Variants in COBL observed in about 807,000 individuals in gnomAD.
COBL encodes cordon-bleu WH2 repeat protein.
Under a neutral mutation model 98.8 loss-of-function variants are expected in COBL, and 51 were observed. The ratio of observed to expected loss-of-function variants is 0.52; its 90% CI spans 0.41 to 0.65. COBL has a LOEUF of 0.65. COBL is among the 30% of genes least tolerant of loss of function. COBL has a pLI of 0.00. For synonymous variants in COBL, 634 were observed against 651.7 expected (o/e 0.97, Z 0.41); for missense variants, 1,617 against 1,617.5 (o/e 1.00, Z 0.01).
chr7:51,057,590 G>A (rs1790892629), intron 7 of COBL, among the ~76,000 whole-genome samples: 2 of 152,006 alleles, frequency 1.3e-5, no homozygotes, highest in South Asian at 4.1e-4. Context: ...CATCATTTTG[G>A]GAAACTAGTA....
intron 1 of COBL, among the ~76,000 whole-genome samples, chr7:51,242,744 T>C (rs1271454491): frequency 1.3e-5 from 2 of 152,184 alleles, no homozygotes; most frequent in African/African-American, 2.4e-5. Flanking sequence ...GTTCTGAGAA[T>C]TGGGCCCTGG....
chr7:51,276,901 G>T (rs185068542), intron 1 of COBL, among the ~76,000 whole-genome samples: 6 of 152,322 alleles, frequency 3.9e-5, no homozygotes, highest in Admixed American at 3.9e-4. Context: ...GTCAGCTGAG[G>T]CTCATAAGAT....
chr7:51,162,595 A>G (rs1786924042), intron 5 of COBL, among the ~76,000 whole-genome samples: 1 of 152,206 alleles, frequency 6.6e-6, no homozygotes, highest in South Asian at 2.1e-4. Context: ...ATAATACATA[A>G]TAGTATCTGC....
At chr7:51,074,228 G>A (rs1792842395) in intron 7 of COBL, among the ~76,000 whole-genome samples, 2 of 117,870 alleles carry the variant, frequency 1.7e-5, no homozygotes, top group East Asian at 2.6e-4. Flanking sequence ...ACAGAGTCTC[G>A]CTCTGTTGCC....
At chr7:51,252,572 A>G (rs1442208834) in intron 1 of COBL, among the ~76,000 whole-genome samples, 1 of 152,192 alleles carries the variant, frequency 6.6e-6, no homozygotes, top group Non-Finnish European at 1.5e-5. Context: ...AGCTGTTTTG[A>G]AAAAGACTCT....
intron 1 of COBL, among the ~76,000 whole-genome samples, chr7:51,277,566 G>A (rs1799423655): frequency 1.3e-5 from 2 of 148,758 alleles, no homozygotes. Context: ...CCCTCATCCC[G>A]CCCACCCGAC....
chr7:51,156,698 T>TCTCACA (rs1349248942), intron 5 of COBL: 2 of 169,234 alleles, frequency 1.2e-5, no homozygotes, highest in African/African-American at 2.7e-5. Flanking sequence ...AAACCACCCT[T>TCTCACA]CACACACACA....
chr7:51,296,458 T>C (rs1009106245), intron 1 of COBL, among the ~76,000 whole-genome samples: 18 of 152,190 alleles, frequency 1.2e-4, no homozygotes, highest in Non-Finnish European at 2.2e-4. Context: ...GGCTTTACTT[T>C]CTTCTTCTAT....
At chr7:51,150,293 C>T (rs1321239344) in intron 5 of COBL, among the ~76,000 whole-genome samples, 1 of 152,192 alleles carries the variant, frequency 6.6e-6, no homozygotes, top group Non-Finnish European at 1.5e-5. Context: ...AGAAGGCCTG[C>T]AGCCTAGACA....
intron 1 of COBL, among the ~76,000 whole-genome samples, chr7:51,301,095 G>A (rs1272984837): frequency 6.6e-6 from 1 of 152,126 alleles, no homozygotes; most frequent in South Asian, 2.1e-4. Context: ...TGAGTGCGGT[G>A]GGATACACGC....
chr7:51,108,704 G>A (rs564466662), intron 6 of COBL, among the ~76,000 whole-genome samples: 3 of 152,184 alleles, frequency 2.0e-5, no homozygotes, highest in African/African-American at 7.2e-5. Context: ...AAAAAGTGGA[G>A]GTCCCAGGCA....
chr7:51,287,183 T>A (rs1800448752), intron 1 of COBL, among the ~76,000 whole-genome samples: 1 of 152,012 alleles, frequency 6.6e-6, no homozygotes, highest in Non-Finnish European at 1.5e-5. Context: ...TCCCCAAACC[T>A]CAGCATCCCG....
chr7:51,127,783 G>A (rs892894308), intron 6 of COBL, among the ~76,000 whole-genome samples: 47 of 152,246 alleles, frequency 3.1e-4, no homozygotes, highest in African/African-American at 1.1e-3. Flanking sequence ...GGGGTGATCC[G>A]GACTCCCTCA....
chr7:51,213,280 C>T (rs1792642929), intron 2 of COBL, among the ~76,000 whole-genome samples: 1 of 152,206 alleles, frequency 6.6e-6, no homozygotes, highest in Non-Finnish European at 1.5e-5. Context: ...GGTCGCACAG[C>T]AGGTGAGCAG....
chr7:51,252,435 C>G lies in COBL; in HGVS notation c.42-32491G>C, dbSNP rs568535193. Among the ~76,000 whole-genome samples, 19 of 152,252 alleles carry G rather than the reference C, an allele frequency of 1.2e-4. No individual in the cohort carries two copies. In the South Asian group the frequency reaches 3.7e-3, roughly 30 times the overall value. On this transcript the variant is annotated intron_variant, in intron 1 of 12. Transcript: ENST00000265136. The stretch of plus-strand genomic sequence containing the variant: ...GATCCAGTATTAATACTTTGCATCT[C>G]TATGGATTTGCCTGTTCTGGACATT...
intron 1 of COBL, among the ~76,000 whole-genome samples, chr7:51,254,192 A>AATC: frequency 6.6e-6 from 1 of 152,304 alleles, no homozygotes; most frequent in East Asian, 1.9e-4. Flanking sequence ...GATTACTGCA[A>AATC]ATCACTCCAT....
chr7:51,233,747 C>T (rs1584260446), intron 1 of COBL, among the ~76,000 whole-genome samples: 1 of 152,108 alleles, frequency 6.6e-6, no homozygotes, highest in African/African-American at 2.4e-5. Flanking sequence ...CACATGACAC[C>T]ACAGTTCAGG....
At chr7:51,275,370 A>G (rs1182515524) in intron 1 of COBL, among the ~76,000 whole-genome samples, 1 of 152,168 alleles carries the variant, frequency 6.6e-6, no homozygotes, top group East Asian at 1.9e-4. Flanking sequence ...GAAATTGAAG[A>G]AAGTTCTATG....
At chr7:51,151,573 G>A (rs1785561641) in intron 5 of COBL, among the ~76,000 whole-genome samples, 1 of 152,214 alleles carries the variant, frequency 6.6e-6, no homozygotes, top group Non-Finnish European at 1.5e-5. Context: ...TAACCATTCA[G>A]AGTATATCCT....
Sources: gnomAD v4.1 joint callset for allele counts (sites outside exome capture counted in the v4.1 genomes callset) on GRCh38, gnomAD v4.1.1 for gene constraint, MANE v1.5 for transcripts, NCBI Gene and HGNC (gene_info 2026-07-23, HGNC 2026-07-21) for gene names.